Variants in NLN observed in about 807,000 individuals in gnomAD.
NLN encodes the protein neurolysin, mitochondrial.
NLN carries 64 observed loss-of-function variants against 79.9 expected under a neutral mutation model. The ratio of observed to expected loss-of-function variants is 0.80; its 90% CI spans 0.65 to 0.99. The LOEUF is 0.99. Among genes scored for constraint, NLN ranks in the 50% least tolerant of loss-of-function variants. The pLI, the probability that NLN is intolerant of heterozygous loss-of-function variation, is 0.00. For synonymous variants in NLN, 267 were observed against 296.6 expected (o/e 0.90, Z 1.02); for missense variants, 835 against 858.7 (o/e 0.97, Z 0.34).
intron 12 of NLN, among the ~76,000 whole-genome samples, chr5:65,818,081 A>G (rs991665633): frequency 2.0e-5 from 3 of 152,222 alleles, no homozygotes; most frequent in Admixed American, 2.0e-4. Context: ...TTGATTTCCA[A>G]CCTACTTCTT....
At position 65,753,187 on chromosome 5, in the gene NLN, T is replaced by A. The variant is rs369602903; in HGVS notation, c.42-5380T>A. Among the ~76,000 whole-genome samples the A allele has an allele frequency of 1.4e-4, 22 of 152,336 alleles. 1 individual carries two copies. The East Asian group carries it at 4.2e-3, about 29-fold the overall frequency. On this transcript the variant is annotated intron_variant, in intron 1 of 12. Coordinates refer to ENST00000380985, the MANE Select transcript of NLN (RefSeq NM_020726.5). ...GTATACATGTATTGAAACATCGCAC[T>A]GTATCCTATAAAGATGTGCAATTAT...
Position 65,731,742 on chromosome 5 carries a change from C to CTTTTTTTTT in NLN, c.41+9346_41+9354dup, listed in dbSNP as rs761722243. ...GTATTTTAAAAATCACCTACATTTT[C>CTTTTTTTTT]TTTTTTTTTTTTTTTTTTTTTTTTT... is the stretch of plus-strand genomic sequence containing the variant. On this transcript the variant is annotated intron_variant, in intron 1 of 12. Coordinates refer to ENST00000380985, the MANE Select transcript of NLN (RefSeq NM_020726.5). Among the ~76,000 whole-genome samples the CTTTTTTTTT allele has an allele frequency of 1.5e-4, 9 of 62,012 alleles. 2 individuals carry two copies. Among genetic ancestry groups the CTTTTTTTTT allele is most frequent in the Non-Finnish European group, 2.3e-4 (7 of 31,092 alleles). The allele number at this position is 62,012 out of a possible 152,430, so 40.7% of individuals were successfully genotyped here. A position where few individuals can be genotyped will look rare whatever the true frequency, so the allele number is the denominator to read the frequency against.
intron 4 of NLN, among the ~76,000 whole-genome samples, chr5:65,779,719 A>G (rs1392847888): frequency 6.6e-6 from 1 of 152,188 alleles, no homozygotes; most frequent in African/African-American, 2.4e-5. Flanking sequence ...TCAAATTCAC[A>G]ACTAATTTCC....
chr5:65,822,785 G>A lies in NLN; in HGVS notation c.1985G>A (p.Gly662Glu), dbSNP rs1054454304. 1.9e-6 allele frequency: 3 copies of A among 1,609,574 alleles called. No homozygotes were observed. Among genetic ancestry groups the A allele is most frequent in the Non-Finnish European group, 2.6e-6 (3 of 1,175,932 alleles). ...TATGATGTTTTATTTTATTAGGTTG[G>A]AATGAAATACAGAAACCTAATCCTG... Reference protein sequence around the residue: ...KKEGIMNPEVGMKYRNLILKP... With the variant: ...KKEGIMNPEVEMKYRNLILKP... The change falls in exon 13 of 13, where the codon GGA (glycine) becomes GAA (glutamate). Residue 662 changes from glycine (G) to glutamate (E), a missense_variant. Transcript: ENST00000380985.
At chr5:65,768,276 G>A (rs1412997366) in intron 3 of NLN, among the ~76,000 whole-genome samples, 2 of 152,158 alleles carry the variant, frequency 1.3e-5, no homozygotes, top group Admixed American at 1.3e-4. Context: ...CAATTCCTCT[G>A]GGTGGGAGGC....
At chr5:65,787,543 GA>G (rs1443342799) in intron 7 of NLN, among the ~76,000 whole-genome samples, 1 of 152,124 alleles carries the variant, frequency 6.6e-6, no homozygotes, top group Non-Finnish European at 1.5e-5. Context: ...ACAGTAAAGT[GA>G]AAAATTGACC....
rs1692985281 is a variant in NLN, at chr5:65,826,531, C to CAGTT, written c.*3619_*3622dup. 6.6e-6 allele frequency: 1 copy of CAGTT among 152,202 alleles called. No homozygotes were observed. 9.4% of individuals were successfully genotyped at this position (152,202 alleles called of 1,614,324 possible). ...CTTCTTCCCTCAAATCAACACATTA[C>CAGTT]AGTTAGATGTCTCCCATCTGAAATT... On this transcript the variant is annotated 3_prime_UTR_variant, in exon 13 of 13. Coordinates refer to ENST00000380985, the MANE Select transcript of NLN (RefSeq NM_020726.5).
In NLN at chr5:65,827,823, C is replaced by G. The variant is rs1053553174; in HGVS notation, c.*4908C>G. 1.3e-5 allele frequency: 2 copies of G among 152,192 alleles called. No individual in the cohort carries two copies. The highest frequency in any genetic ancestry group is 4.8e-5 in the African/African-American group (2 of 41,440). 9.4% of individuals were successfully genotyped at this position (152,192 alleles called of 1,614,324 possible). On this transcript the variant is annotated 3_prime_UTR_variant, in exon 13 of 13. Coordinates refer to ENST00000380985, the MANE Select transcript of NLN (RefSeq NM_020726.5). ...CCTGAGTTCAGGAGTTCAAGACCAG[C>G]TTGGCCAACATGGCGAAACCCGTCT...
intron 1 of NLN, among the ~76,000 whole-genome samples, chr5:65,749,979 A>G (rs1245555438): frequency 2.0e-5 from 3 of 152,220 alleles, no homozygotes; most frequent in East Asian, 1.9e-4. Flanking sequence ...TCCTGCACAC[A>G]TGAGCTACTC....
At chr5:65,747,358 C>G (rs1022522816) in intron 1 of NLN, among the ~76,000 whole-genome samples, 4 of 152,140 alleles carry the variant, frequency 2.6e-5, no homozygotes, top group Non-Finnish European at 5.9e-5. Flanking sequence ...CAACTCAAAT[C>G]AGAGGCCATG....
At chr5:65,815,183 C>A (rs1232112753) in intron 12 of NLN, among the ~76,000 whole-genome samples, 4 of 152,234 alleles carry the variant, frequency 2.6e-5, no homozygotes, top group African/African-American at 4.8e-5. Flanking sequence ...CCATCACCTC[C>A]TCTGTGCTTG....
rs536521674 is a variant in NLN, at chr5:65,825,496, G to A, written c.*2581G>A. The A allele has an allele frequency of 8.5e-5, 13 of 152,120 alleles. No individual in the cohort carries two copies. In the South Asian group the frequency reaches 1.4e-3, roughly 17 times the overall value. 9.4% of individuals were successfully genotyped at this position (152,120 alleles called of 1,614,324 possible). On this transcript the variant is annotated 3_prime_UTR_variant, in exon 13 of 13. Transcript: ENST00000380985. ...CATGATCCTAAAGGTTTAGTTTTAC[G>A]ATGCTGCAGAGAAGAGAAATGTCTT...
At chr5:65,746,832 G>A (rs576424196) in intron 1 of NLN, among the ~76,000 whole-genome samples, 2 of 151,730 alleles carry the variant, frequency 1.3e-5, no homozygotes, top group Non-Finnish European at 2.9e-5. Flanking sequence ...GTGAAACCCC[G>A]TCTCTACTAA....
rs758079363 is a variant in NLN, at chr5:65,772,310, G to T, written c.451-5117G>T. 6.1e-4 allele frequency among the ~76,000 whole-genome samples: 93 copies of T among 152,092 alleles called. 1 individual carries two copies. In the Middle Eastern group the frequency reaches 0.017, roughly 28 times the overall value. On this transcript the variant is annotated intron_variant, in intron 3 of 12. Coordinates refer to ENST00000380985, the MANE Select transcript of NLN (RefSeq NM_020726.5). ...AAGAATATTCCTTTTTGTTTCCTTA[G>T]TGCCAGGAATAATTAGGAGCTCAGT...
At chr5:65,758,850 CAG>C in intron 2 of NLN, 24 bp downstream of exon 2, 2 of 1,585,230 alleles carry the variant, frequency 1.3e-6, no homozygotes, top group Non-Finnish European at 1.7e-6. Context: ...AGAAGCATAT[CAG>C]TGTTTCACTT....
rs189709892 is a variant in NLN at position 65,763,238 on chromosome 5, G to T, written c.450+130G>T. On this transcript the variant is annotated intron_variant, in intron 3 of 12. Coordinates refer to ENST00000380985, the MANE Select transcript of NLN (RefSeq NM_020726.5). ...TCGAATGATTATAAAACCATAATGG[G>T]CATTATATAGTATTACATAATGTTA... is the stretch of plus-strand genomic sequence containing the variant. The T allele has an allele frequency of 1.3e-3, 908 of 719,222 alleles. 3 individuals carry two copies. Among genetic ancestry groups the T allele is most frequent in the Middle Eastern group, 6.7e-3 (17 of 2,548 alleles). 44.6% of individuals were successfully genotyped at this position (719,222 alleles called of 1,614,324 possible).
intron 12 of NLN, among the ~76,000 whole-genome samples, chr5:65,822,407 T>G (rs1018929430): frequency 6.6e-6 from 1 of 152,272 alleles, no homozygotes; most frequent in Non-Finnish European, 1.5e-5. Context: ...GAAGGCTATT[T>G]GTAGCCTTCG....
At chr5:65,818,902 A>G (rs1447927703) in intron 12 of NLN, 1 of 152,356 alleles carries the variant, frequency 6.6e-6, no homozygotes, top group Admixed American at 6.5e-5. Flanking sequence ...TGCTGCAGAG[A>G]TGCCCAAGAT....
At chr5:65,800,591 C>T (rs1409286565) in intron 9 of NLN, among the ~76,000 whole-genome samples, 8 of 152,260 alleles carry the variant, frequency 5.3e-5, no homozygotes, top group African/African-American at 1.9e-4. Flanking sequence ...ATGGCGTGAA[C>T]CCAGGAGGCG....
Sources: gnomAD v4.1 joint callset for allele counts (sites outside exome capture counted in the v4.1 genomes callset) on GRCh38, gnomAD v4.1.1 for gene constraint, MANE v1.5 for transcripts, NCBI Gene and HGNC (gene_info 2026-07-23, HGNC 2026-07-21) for gene names.